The following SAAL1 variants were observed in gnomAD, a reference collection of about 807,000 sequenced individuals.
SAAL1 encodes the protein protein SAAL1.
In SAAL1, 42 loss-of-function variants were observed where a neutral mutation model predicts 59.8. The ratio of observed to expected loss-of-function variants is 0.70; its 90% CI spans 0.55 to 0.91. SAAL1 has a LOEUF of 0.91. Ranked by LOEUF, SAAL1 falls within the 40% of genes least tolerant of loss-of-function variation. The pLI is 0.00. For synonymous variants in SAAL1, 191 were observed against 194.3 expected, an observed-to-expected ratio of 0.98 and a Z score of 0.14; for missense variants, 542 against 561.1, an observed-to-expected ratio of 0.97 and a Z score of 0.34.
chr11:18,104,425 T>C (rs1266117566), intron 1 of SAAL1, among the ~76,000 whole-genome samples: 1 of 148,590 alleles, frequency 6.7e-6, no homozygotes, highest in Non-Finnish European at 1.5e-5. Context: ...TAAGATATAA[T>C]CCCTTACATT....
chr11:18,090,032 A>G, intron 6 of SAAL1, 143 bp downstream of exon 6: 4 of 764,240 alleles, frequency 5.2e-6, no homozygotes, highest in Non-Finnish European at 8.2e-6. Flanking sequence ...TGGGTGACAG[A>G]GCAAGATTCT....
In SAAL1 at chr11:18,083,636, C is replaced by A; in HGVS notation, c.1138G>T (p.Glu380Ter). The change falls in exon 10 of 12, where the codon GAA becomes TAA. Residue 380 changes from glutamate to a stop codon, truncating the protein, a stop_gained. Transcript: ENST00000524803. LOFTEE classifies it high-confidence loss of function. ...TGGGTTAAATCAGTCCTTTTAGTTT[C>A]CTCTGTGTTAGACTCTGCCGAGTTC... ...PENSAESNTE[E>*]TKRTDLTQDD... is the part of the protein sequence containing the mutation. The A allele has an allele frequency of 6.2e-7, 1 of 1,609,978 alleles. No homozygotes were observed. Among genetic ancestry groups the A allele is most frequent in the South Asian group, 1.1e-5 (1 of 90,882 alleles).
chr11:18,103,446 G>A (rs1375666333), intron 1 of SAAL1, 100 bp from the exon 2 acceptor site: 9 of 916,030 alleles, frequency 9.8e-6, no homozygotes, highest in African/African-American at 4.9e-5. Flanking sequence ...TCCTCGTAAC[G>A]CTGATGAGAA....
intron 2 of SAAL1, among the ~76,000 whole-genome samples, chr11:18,101,465 T>C (rs1848632304): frequency 6.6e-6 from 1 of 152,178 alleles, no homozygotes; most frequent in South Asian, 2.1e-4. Flanking sequence ...GCATTTCCCC[T>C]GCTCGCACTT....
chr11:18,098,474 T>G (rs1016912751), intron 2 of SAAL1, among the ~76,000 whole-genome samples: 1 of 152,194 alleles, frequency 6.6e-6, no homozygotes, highest in Non-Finnish European at 1.5e-5. Flanking sequence ...ATAAATAAAA[T>G]TAAGTCTCTG....
intron 2 of SAAL1, among the ~76,000 whole-genome samples, chr11:18,101,622 C>G (rs1210335755): frequency 1.3e-5 from 2 of 152,088 alleles, no homozygotes; most frequent in Non-Finnish European, 2.9e-5. Flanking sequence ...TCAGGTATTT[C>G]CTTATAGCAG....
Position 18,080,494 on chromosome 11 carries a change from G to C in SAAL1, c.1333-3C>G. On this transcript the variant is annotated splice_region_variant and splice_polypyrimidine_tract_variant and intron_variant, in intron 11 of 11. Transcript: ENST00000524803. ...AGGATTTTAATAAAATCTTCCACCT[G>C]TGAGTCAAACAAACAAACAAAAATC... is the stretch of plus-strand genomic sequence containing the variant. The C allele has an allele frequency of 1.3e-6, 2 of 1,570,204 alleles. No individual in the cohort carries two copies. Among genetic ancestry groups the C allele is most frequent in the Admixed American group, 4.2e-5 (2 of 47,806 alleles).
chr11:18,085,079 C>G (rs540337679), intron 9 of SAAL1, among the ~76,000 whole-genome samples: 1 of 152,254 alleles, frequency 6.6e-6, no homozygotes, highest in African/African-American at 2.4e-5. Flanking sequence ...AAACATATAT[C>G]TTATACCCAA....
intron 5 of SAAL1, 51 bp downstream of exon 5, chr11:18,090,383 T>C: frequency 1.9e-6 from 3 of 1,573,298 alleles, no homozygotes; most frequent in Non-Finnish European, 2.6e-6. Context: ...CTTTTTTTTC[T>C]TATCTACTCT....
At chr11:18,090,355 T>A in intron 5 of SAAL1, 65 bp from the exon 6 acceptor site, 11 of 1,565,698 alleles carry the variant, frequency 7.0e-6, no homozygotes, top group Non-Finnish European at 9.5e-6. Flanking sequence ...TAAAGGAAAT[T>A]CGAAAATAAA....
chr11:18,098,923 T>C (rs1255383290), intron 2 of SAAL1, among the ~76,000 whole-genome samples: 1 of 152,244 alleles, frequency 6.6e-6, no homozygotes, highest in Non-Finnish European at 1.5e-5. Flanking sequence ...CACAGTGAAG[T>C]GGCTTGCATG....
At chr11:18,090,397 GA>G (rs1297020015) in intron 5 of SAAL1, 36 bp downstream of exon 5, 2 of 1,588,912 alleles carry the variant, frequency 1.3e-6, no homozygotes, top group Non-Finnish European at 1.7e-6. Flanking sequence ...CTACTCTTAT[GA>G]GTAACCTTAT....
chr11:18,089,930 G>A (rs1848504437), intron 6 of SAAL1, among the ~76,000 whole-genome samples: 1 of 152,062 alleles, frequency 6.6e-6, no homozygotes, highest in Non-Finnish European at 1.5e-5. Context: ...CATGACTATA[G>A]TCCCAGCTAT....
At chr11:18,104,197 C>A (rs1376730298) in intron 1 of SAAL1, among the ~76,000 whole-genome samples, 1 of 152,120 alleles carries the variant, frequency 6.6e-6, no homozygotes, top group Non-Finnish European at 1.5e-5. Context: ...AGTAATTTTG[C>A]TTACAGTCAC....
At chr11:18,097,454 A>G (rs1405765143) in intron 2 of SAAL1, among the ~76,000 whole-genome samples, 1 of 152,128 alleles carries the variant, frequency 6.6e-6, no homozygotes, top group African/African-American at 2.4e-5. Flanking sequence ...TACCTTAATA[A>G]TTTTTCTGCC....
chr11:18,094,122 TG>T (rs2134061390), intron 3 of SAAL1, among the ~76,000 whole-genome samples: 1 of 152,252 alleles, frequency 6.6e-6, no homozygotes, highest in Non-Finnish European at 1.5e-5. Flanking sequence ...GGGTAGAGCC[TG>T]GAAAGCTATT....
chr11:18,100,451 C>T (rs1358362509), intron 2 of SAAL1, among the ~76,000 whole-genome samples: 2 of 152,182 alleles, frequency 1.3e-5, no homozygotes, highest in Non-Finnish European at 2.9e-5. Flanking sequence ...TGAACTTCTG[C>T]GGGCATGGTG....
intron 11 of SAAL1, among the ~76,000 whole-genome samples, chr11:18,080,930 C>A (rs1848402998): frequency 6.6e-6 from 1 of 152,044 alleles, no homozygotes; most frequent in African/African-American, 2.4e-5. Context: ...TTATTTTTTT[C>A]CTCTTAGAAT....
At chr11:18,089,281 C>G in intron 7 of SAAL1, 49 bp downstream of exon 7, 5 of 1,447,854 alleles carry the variant, frequency 3.5e-6, no homozygotes, top group Non-Finnish European at 4.6e-6. Context: ...GAGAATACTT[C>G]TAGCAATTGC....
Sources: allele counts gnomAD v4.1 joint callset (sites outside exome capture counted in the v4.1 genomes callset), GRCh38; gene constraint gnomAD v4.1.1; transcripts MANE v1.5; gene names NCBI Gene and HGNC (gene_info 2026-07-23, HGNC 2026-07-21).